The following TMEM45A variants were observed in gnomAD, a reference collection of about 807,000 sequenced individuals.
TMEM45A encodes DNA polymerase-transactivated protein 4.
A neutral mutation model predicts 32.0 loss-of-function variants in TMEM45A; 25 were observed. The observed-to-expected ratio is 0.78, with a 90% confidence interval of 0.57 to 1.09. The LOEUF (loss-of-function observed/expected upper bound fraction) is 1.09. TMEM45A is among the 50% of genes least tolerant of loss of function. The pLI is 0.00. For missense variants in TMEM45A, 302 were observed against 325.0 expected (o/e 0.93, Z 0.54); for synonymous variants, 122 against 114.8 (o/e 1.06, Z -0.40).
intron 2 of TMEM45A, 31 bp from the exon 3 acceptor site, chr3:100,556,729 G>T: frequency 6.3e-7 from 1 of 1,582,604 alleles, no homozygotes; most frequent in Non-Finnish European, 8.6e-7. Context: ...GTAAAGCAGA[G>T]TTGCTAAAAC....
intron 3 of TMEM45A, among the ~76,000 whole-genome samples, chr3:100,557,309 T>A (rs979295829): frequency 6.6e-6 from 1 of 152,174 alleles, no homozygotes; most frequent in Non-Finnish European, 1.5e-5. Flanking sequence ...GATCCCAGAA[T>A]AATAAAGCAT....
At chr3:100,554,830 C>A (rs1706180526) in intron 1 of TMEM45A, among the ~76,000 whole-genome samples, 1 of 152,142 alleles carries the variant, frequency 6.6e-6, no homozygotes, top group South Asian at 2.1e-4. Context: ...AATAATGGAA[C>A]TTTTGCTTAA....
At chr3:100,527,188 T>C (rs184605922) in intron 1 of TMEM45A, among the ~76,000 whole-genome samples, 1 of 152,162 alleles carries the variant, frequency 6.6e-6, no homozygotes, top group African/African-American at 2.4e-5. Flanking sequence ...TAGTGCACAA[T>C]AGATATTTGT....
intron 1 of TMEM45A, among the ~76,000 whole-genome samples, chr3:100,554,532 C>T (rs1013070532): frequency 1.3e-5 from 2 of 152,114 alleles, no homozygotes; most frequent in Admixed American, 6.5e-5. Flanking sequence ...AGTGTATTAG[C>T]CAGAACTAAA....
intron 4 of TMEM45A, among the ~76,000 whole-genome samples, chr3:100,563,685 A>G (rs1012597695): frequency 3.3e-5 from 5 of 152,164 alleles, no homozygotes; most frequent in Admixed American, 2.6e-4. Flanking sequence ...ATGTGACTCA[A>G]TTTTCTCTCT....
At chr3:100,522,483 T>C (rs1705454978) in intron 1 of TMEM45A, among the ~76,000 whole-genome samples, 1 of 152,196 alleles carries the variant, frequency 6.6e-6, no homozygotes. Flanking sequence ...TTTGAGAGAC[T>C]TCAATCTCCT....
intron 1 of TMEM45A, among the ~76,000 whole-genome samples, chr3:100,506,806 T>G (rs1708086253): frequency 6.6e-6 from 1 of 152,154 alleles, no homozygotes; most frequent in Non-Finnish European, 1.5e-5. Flanking sequence ...GGTCAATGTA[T>G]GACTCAGATT....
intron 1 of TMEM45A, among the ~76,000 whole-genome samples, chr3:100,508,006 G>T (rs1708101024): frequency 6.6e-6 from 1 of 151,522 alleles, no homozygotes; most frequent in Non-Finnish European, 1.5e-5. Flanking sequence ...AACTCAGCAG[G>T]AAAGTGACAG....
chr3:100,542,189 A>T (rs998190699), intron 1 of TMEM45A, among the ~76,000 whole-genome samples: 5 of 152,216 alleles, frequency 3.3e-5, no homozygotes, highest in Non-Finnish European at 7.3e-5. Context: ...ATTCTGTAAA[A>T]AATGACCTTG....
At position 100,555,523 on chromosome 3, in the gene TMEM45A, T is replaced by A. The variant is rs148101083; in HGVS notation, c.190+122T>A. 2.7e-4 allele frequency: 275 copies of A among 1,024,118 alleles called. 2 individuals are homozygous for A. In the African/African-American group the frequency reaches 3.9e-3, roughly 15 times the overall value. The allele number at this position is 1,024,118 out of a possible 1,614,324, so 63.4% of individuals were successfully genotyped here. A position where few individuals can be genotyped will look rare whatever the true frequency, so the allele number is the denominator to read the frequency against. On this transcript the variant is annotated intron_variant, in intron 2 of 5. Coordinates refer to ENST00000323523, the MANE Select transcript of TMEM45A (RefSeq NM_018004.3). ...TTCTGATCTCTGAAAGAATAAACCC[T>A]ATCAAAAACCATTTTGCAAATGATA...
intron 1 of TMEM45A, among the ~76,000 whole-genome samples, chr3:100,525,593 G>T (rs1015301776): frequency 6.6e-6 from 1 of 152,262 alleles, no homozygotes; most frequent in Non-Finnish European, 1.5e-5. Context: ...GCCCATGGAA[G>T]GCCTCGCTGA....
intron 1 of TMEM45A, among the ~76,000 whole-genome samples, chr3:100,541,639 C>T (rs1705882390): frequency 6.6e-6 from 1 of 150,934 alleles, no homozygotes; most frequent in African/African-American, 2.4e-5. Flanking sequence ...AGGTGATCCT[C>T]CCACTTCAGC....
intron 5 of TMEM45A, chr3:100,570,935 C>T (rs942941912): frequency 6.6e-6 from 1 of 152,056 alleles, no homozygotes; most frequent in Non-Finnish European, 1.5e-5. Context: ...TGTGGTGACT[C>T]TAGCTCTTGC....
chr3:100,538,776 A>G (rs574164320), intron 1 of TMEM45A, among the ~76,000 whole-genome samples: 1 of 152,334 alleles, frequency 6.6e-6, no homozygotes, highest in East Asian at 1.9e-4. Context: ...AATTAAAAAA[A>G]TATAAAAGTC....
At chr3:100,497,959 C>T (rs189986168) in intron 1 of TMEM45A, among the ~76,000 whole-genome samples, 1 of 152,268 alleles carries the variant, frequency 6.6e-6, no homozygotes, top group East Asian at 1.9e-4. Flanking sequence ...TTTGTGTCCC[C>T]ACCCAAACCT....
intron 1 of TMEM45A, among the ~76,000 whole-genome samples, chr3:100,510,797 A>G (rs951048224): frequency 1.3e-5 from 2 of 152,206 alleles, no homozygotes; most frequent in East Asian, 3.8e-4. Context: ...TGGAGCTGAA[A>G]ACCAAGGCTC....
At chr3:100,574,263 AAAG>A (rs1458621679) in intron 5 of TMEM45A, 1 of 152,224 alleles carries the variant, frequency 6.6e-6, no homozygotes, top group Non-Finnish European at 1.5e-5. Context: ...CAAGACTAAT[AAAG>A]AAGAAAAGAG....
Position 100,568,972 on chromosome 3 carries a change from G to A in TMEM45A, c.734+5G>A, listed in dbSNP as rs1706501387. ...GAATTATGCTTTCATTACCTGGTAAGTTAGCGATTTCTGTTAATGGAAGTT... is the reference window on the plus strand; with the variant it reads ...GAATTATGCTTTCATTACCTGGTAAATTAGCGATTTCTGTTAATGGAAGTT... On this transcript the variant is annotated splice_donor_5th_base_variant and intron_variant, in intron 5 of 5. Coordinates refer to ENST00000323523, the MANE Select transcript of TMEM45A (RefSeq NM_018004.3). 1 of 1,607,554 alleles carries A rather than the reference G, an allele frequency of 6.2e-7. No individual in the cohort carries two copies.
chr3:100,528,004 T>A (rs547515399), intron 1 of TMEM45A, among the ~76,000 whole-genome samples: 3 of 152,212 alleles, frequency 2.0e-5, no homozygotes, highest in Admixed American at 6.5e-5. Context: ...AAATGCAGAA[T>A]GCTTAGTGAA....
Sources: gnomAD v4.1 joint callset for allele counts (sites outside exome capture counted in the v4.1 genomes callset) on GRCh38, gnomAD v4.1.1 for gene constraint, MANE v1.5 for transcripts, NCBI Gene and HGNC (gene_info 2026-07-23, HGNC 2026-07-21) for gene names.